FBXO41: variants seen among roughly 807,000 people sequenced by gnomAD.
The protein encoded by FBXO41 is F-box protein 41, also known as F-box only protein 41.
FBXO41 carries 33 observed loss-of-function variants against 81.6 expected under a neutral mutation model. That is an observed-to-expected ratio of 0.40 (90% CI 0.31 to 0.54). The LOEUF (loss-of-function observed/expected upper bound fraction) is 0.54. Ranked by LOEUF, FBXO41 falls within the 20% of genes least tolerant of loss-of-function variation. The probability of loss-of-function intolerance (pLI) is 0.39; values close to 1 mark genes in which losing one functional copy is unlikely to be tolerated. For missense variants in FBXO41, 1,107 were observed against 1,236.0 expected, an observed-to-expected ratio of 0.90 and a Z score of 1.56; for synonymous variants, 576 against 552.7, an observed-to-expected ratio of 1.04 and a Z score of -0.59.
Position 73,257,821 on chromosome 2 carries a change from A to G in FBXO41, c.*1161T>C, listed in dbSNP as rs899383847. ...CACTTCCCCTAGGCAGAAGACCCCAATGCAGCCCTCAGTCCACGGGGCCCG... is the reference window on the plus strand; with the variant it reads ...CACTTCCCCTAGGCAGAAGACCCCAGTGCAGCCCTCAGTCCACGGGGCCCG... On this transcript the variant is annotated 3_prime_UTR_variant, in exon 13 of 13. Transcript: ENST00000520530. The surrounding 1 kb of genome is among the most constrained non-coding windows in gnomAD (Gnocchi z 4.6). The G allele has an allele frequency of 6.6e-6, 1 of 152,370 alleles. No homozygotes were observed. Among genetic ancestry groups the G allele is most frequent in the Non-Finnish European group, 1.5e-5 (1 of 68,180 alleles). 9.4% of individuals were successfully genotyped at this position (152,370 alleles called of 1,614,324 possible).
At chr2:73,277,465 G>A (rs192891223) in intron 1 of FBXO41, among the ~76,000 whole-genome samples, 2 of 152,262 alleles carry the variant, frequency 1.3e-5, no homozygotes, top group East Asian at 3.9e-4. Context: ...TTGCATTCTT[G>A]TGTCCCCAAA....
chr2:73,260,317 T>C lies in FBXO41; in HGVS notation c.2449+72A>G, dbSNP rs1368054212. On this transcript the variant is annotated intron_variant, in intron 11 of 12. Coordinates refer to ENST00000520530, the MANE Select transcript of FBXO41 (RefSeq NM_001371389.2). This position sits in a 1 kb window ranked among gnomAD's most constrained non-coding sequence, Gnocchi z 5.0. ...TCTGATCCATCTGCCCCAGTGATAG[T>C]TAGGATACCTGCTGACAGGGCCCCG... is the stretch of plus-strand genomic sequence containing the variant. The C allele has an allele frequency of 6.5e-7, 1 of 1,534,760 alleles. No homozygotes were observed. Among genetic ancestry groups the C allele is most frequent in the Non-Finnish European group, 8.8e-7 (1 of 1,133,392 alleles).
chr2:73,279,830 A>T (rs1688795752), intron 1 of FBXO41, among the ~76,000 whole-genome samples: 1 of 152,214 alleles, frequency 6.6e-6, no homozygotes, highest in Non-Finnish European at 1.5e-5. Context: ...AGGCTAACCT[A>T]ATTTTACTGT....
chr2:73,269,062 G>A lies in FBXO41; in HGVS notation c.569C>T (p.Ser190Phe). 6.6e-7 allele frequency: 1 copy of A among 1,522,978 alleles called. No individual in the cohort carries two copies. The highest frequency in any genetic ancestry group is 8.8e-7 in the Non-Finnish European group (1 of 1,140,702). The allele number at this position is 1,522,978 out of a possible 1,614,324, so 94.3% of individuals were successfully genotyped here. Residue 190 changes from serine (S) to phenylalanine (F), a missense_variant, in exon 2 of 13, where the codon TCC becomes TTC. By Grantham distance (155) the Ser-to-Phe change is radical. Transcript: ENST00000520530. This position sits in a 1 kb window ranked among gnomAD's most constrained non-coding sequence, Gnocchi z 7.0. Reference sequence around the variant, plus strand: ...GTAGGCCACATCAGCGGGTGAGGGGGACGCGGGCGAAGCGGAGGCAGGCCC... The same window carrying A: ...GTAGGCCACATCAGCGGGTGAGGGGAACGCGGGCGAAGCGGAGGCAGGCCC... ...CPGPASASPA[S>F]PSPADVAYEE...
chr2:73,254,997 T>C lies in FBXO41; in HGVS notation c.*3985A>G, dbSNP rs1435669286. 6.5e-6 allele frequency: 1 copy of C among 152,678 alleles called. No homozygotes were observed. The highest frequency in any genetic ancestry group is 1.9e-4 in the East Asian group (1 of 5,194). The allele number at this position is 152,678 out of a possible 1,614,324, so 9.5% of individuals were successfully genotyped here. A position where few individuals can be genotyped will look rare whatever the true frequency, so the allele number is the denominator to read the frequency against. ...TCACTCAGGCCCATTATAGCCTAGC[T>C]GTGTAGGAAGGTAGGGCCTAAGGGC... On this transcript the variant is annotated 3_prime_UTR_variant, in exon 13 of 13. Coordinates refer to ENST00000520530, the MANE Select transcript of FBXO41 (RefSeq NM_001371389.2).
At chr2:73,277,679 A>C (rs1037131642) in intron 1 of FBXO41, among the ~76,000 whole-genome samples, 4 of 151,568 alleles carry the variant, frequency 2.6e-5, no homozygotes, top group Non-Finnish European at 4.4e-5. Flanking sequence ...CAGGTATGTG[A>C]GTCTTACCTC....
In FBXO41 at chr2:73,258,835, G is replaced by A; in HGVS notation, c.*147C>T. 2 of 854,704 alleles carry A rather than the reference G, an allele frequency of 2.3e-6. No individual in the cohort carries two copies. The highest frequency in any genetic ancestry group is 3.5e-6 in the Non-Finnish European group (2 of 569,922). The allele number at this position is 854,704 out of a possible 1,614,324, so 52.9% of individuals were successfully genotyped here. On this transcript the variant is annotated 3_prime_UTR_variant, in exon 13 of 13. Transcript: ENST00000520530. ...GGCCTGTTGCTCTGCTGCTCCAGGAGGAGGACAGGAGACTTGACAGTCCCC... is the reference window on the plus strand; with the variant it reads ...GGCCTGTTGCTCTGCTGCTCCAGGAAGAGGACAGGAGACTTGACAGTCCCC...
Position 73,266,210 on chromosome 2 carries a change from C to A in FBXO41, c.1132-244G>T, listed in dbSNP as rs1242648639. ...CTTGTGGCTCCTGGACTCTCATTTG[C>A]AGGGATGGGCAGAGATAGCCCCCGA... On this transcript the variant is annotated intron_variant, in intron 3 of 12. Transcript: ENST00000520530. The surrounding 1 kb of genome is among the most constrained non-coding windows in gnomAD (Gnocchi z 5.3). Among the ~76,000 whole-genome samples, 2 of 152,172 alleles carry A rather than the reference C, an allele frequency of 1.3e-5. No individual in the cohort carries two copies. Among genetic ancestry groups the A allele is most frequent in the Admixed American group, 6.5e-5 (1 of 15,290 alleles).
Position 73,260,367 on chromosome 2 carries a change from C to T in FBXO41, c.2449+22G>A, listed in dbSNP as rs1337781834. The T allele has an allele frequency of 6.2e-7, 1 of 1,608,590 alleles. No individual in the cohort carries two copies. The highest frequency in any genetic ancestry group is 8.5e-7 in the Non-Finnish European group (1 of 1,176,658). ...GTGGCAGGTGATAGTCGTACCCTGCCCCTCATTCCCCCAGTGCTCACTGTT... is the reference window on the plus strand; with the variant it reads ...GTGGCAGGTGATAGTCGTACCCTGCTCCTCATTCCCCCAGTGCTCACTGTT... On this transcript the variant is annotated intron_variant, in intron 11 of 12. Coordinates refer to ENST00000520530, the MANE Select transcript of FBXO41 (RefSeq NM_001371389.2). The surrounding 1 kb of genome is among the most constrained non-coding windows in gnomAD (Gnocchi z 5.0).
Position 73,260,451 on chromosome 2 carries a change from C to G in FBXO41, c.2387G>C (p.Gly796Ala). 1 of 1,608,926 alleles carries G rather than the reference C, an allele frequency of 6.2e-7. No homozygotes were observed. The highest frequency in any genetic ancestry group is 8.5e-7 in the Non-Finnish European group (1 of 1,177,786). ...CGCCGTGAGCACCAGCATCTCCAGT[C>G]CCTTCAGGCCTTCCCGGCAGACCTC... ...AAEVCREGLK[G>A]LEMLVLTATP... Residue 796 changes from glycine to alanine, a missense_variant, in exon 11 of 13, where the codon GGA becomes GCA. By Grantham distance (60) the Gly-to-Ala change is moderately conservative. Around this residue, in one of 2 missense-constraint regions of FBXO41, gnomAD observed 336 missense variants for 446.7 expected, o/e 0.75. Transcript: ENST00000520530. This position sits in a 1 kb window ranked among gnomAD's most constrained non-coding sequence, Gnocchi z 5.0.
intron 1 of FBXO41, chr2:73,270,678 C>A: frequency 2.4e-6 from 1 of 422,348 alleles, no homozygotes; most frequent in South Asian, 1.8e-5. Context: ...CCATCCTCCC[C>A]ACACCCCTTT....
intron 6 of FBXO41, 85 bp downstream of exon 6, chr2:73,264,193 A>G (rs1688135616): frequency 4.4e-6 from 7 of 1,595,424 alleles, no homozygotes; most frequent in South Asian, 2.2e-5. Context: ...AAGGGTTGCA[A>G]GGACCAGACC....
At chr2:73,273,538 C>A (rs956101472) in intron 1 of FBXO41, among the ~76,000 whole-genome samples, 1 of 152,154 alleles carries the variant, frequency 6.6e-6, no homozygotes, top group African/African-American at 2.4e-5. Context: ...TCAGTCTGTT[C>A]CATTAGAATC....
At chr2:73,273,320 A>T (rs1250767730) in intron 1 of FBXO41, among the ~76,000 whole-genome samples, 1 of 150,162 alleles carries the variant, frequency 6.7e-6, no homozygotes, top group Non-Finnish European at 1.5e-5. Context: ...AATATTTTTT[A>T]AAATTACACA....
At chr2:73,270,189 A>G (rs564551948) in intron 1 of FBXO41, among the ~76,000 whole-genome samples, 107 of 152,304 alleles carry the variant, frequency 7.0e-4, no homozygotes, top group Non-Finnish European at 1.4e-3. Flanking sequence ...ATGCTGTAGA[A>G]TTCCAGAGAG....
In FBXO41 at chr2:73,264,387, G is replaced by A. The variant is rs1460522838; in HGVS notation, c.1697C>T (p.Thr566Met). 1.9e-6 allele frequency: 3 copies of A among 1,613,750 alleles called. No individual in the cohort carries two copies. Among genetic ancestry groups the A allele is most frequent in the African/African-American group, 1.3e-5 (1 of 74,948 alleles). ...ALFCIFTYLD[T>M]RTLLHAAEVC... ...CTCGGCAGCATGCAGCAGTGTGCGC[G>A]TGTCCAGGTAGGTGAAGATGCAGAA... is the stretch of plus-strand genomic sequence containing the variant. Residue 566 changes from threonine to methionine, a missense_variant, in exon 6 of 13, where the codon ACG (threonine) becomes ATG (methionine). Coordinates refer to ENST00000520530, the MANE Select transcript of FBXO41 (RefSeq NM_001371389.2).
rs769360378 is a variant in FBXO41 at position 73,265,336 on chromosome 2, C to T, written c.1510G>A (p.Ala504Thr). 3 of 1,611,688 alleles carry T rather than the reference C, an allele frequency of 1.9e-6. No individual in the cohort carries two copies. Among genetic ancestry groups the T allele is most frequent in the South Asian group, 2.2e-5 (2 of 91,076 alleles). The change falls in exon 5 of 13, where the codon GCG (alanine) becomes ACG (threonine). Residue 504 changes from alanine to threonine, a missense_variant. Ala to Thr is a moderately conservative substitution (Grantham distance 58). Around this residue, in one of 2 missense-constraint regions of FBXO41, gnomAD observed 771 missense variants for 789.2 expected, o/e 0.98. Transcript: ENST00000520530. The part of the protein sequence containing the change: ...TESEAEGPLD[A>T]PRPGPAMAGP... ...GCCATAGCAGGCCCGGGGCGGGGCGCATCCAACGGGCCCTCAGCCTCTGAC... is the reference window on the plus strand; with the variant it reads ...GCCATAGCAGGCCCGGGGCGGGGCGTATCCAACGGGCCCTCAGCCTCTGAC...
intron 1 of FBXO41, among the ~76,000 whole-genome samples, chr2:73,270,091 C>T (rs982564976): frequency 7.2e-5 from 11 of 152,228 alleles, no homozygotes; most frequent in South Asian, 4.1e-4. Flanking sequence ...ATCTACCCAG[C>T]AATAAGAAAA....
Position 73,269,559 on chromosome 2 carries a change from C to T in FBXO41, c.72G>A (p.Ser24=). ...GGCTGTACTCCAGGTGCGCGCGCAG[C>T]GACGACAGGCTCCGGAAGCGCTTGT... is the stretch of plus-strand genomic sequence containing the variant. The part of the protein sequence containing the change: ...GEHKRFRSLS[S]LRAHLEYSHT... Residue 24 remains serine, a synonymous_variant, in exon 2 of 13, where the codon TCG becomes TCA. Coordinates refer to ENST00000520530, the MANE Select transcript of FBXO41 (RefSeq NM_001371389.2). This position sits in a 1 kb window ranked among gnomAD's most constrained non-coding sequence, Gnocchi z 7.0. 7.4e-7 allele frequency: 1 copy of T among 1,357,722 alleles called. No individual in the cohort carries two copies. Among genetic ancestry groups the T allele is most frequent in the Non-Finnish European group, 9.6e-7 (1 of 1,044,398 alleles). 84.1% of individuals were successfully genotyped at this position (1,357,722 alleles called of 1,614,324 possible). A position where few individuals can be genotyped will look rare whatever the true frequency, so the allele number is the denominator to read the frequency against.
Sources: allele counts gnomAD v4.1 joint callset (sites outside exome capture counted in the v4.1 genomes callset), GRCh38; gene constraint gnomAD v4.1.1; regional missense constraint gnomAD v4.1.1; non-coding constraint Gnocchi (gnomAD v3.1); transcripts MANE v1.5; gene names NCBI Gene and HGNC (gene_info 2026-07-23, HGNC 2026-07-21).